The following ASPRV1 variants were observed in gnomAD, a reference collection of about 807,000 sequenced individuals.
ASPRV1 encodes the protein retroviral-like aspartic protease 1.
ASPRV1 carries 7 observed loss-of-function variants against 11.0 expected under a neutral mutation model. That is an observed-to-expected ratio of 0.64 (90% confidence interval 0.36 to 1.20). The LOEUF (loss-of-function observed/expected upper bound fraction) is 1.20, where lower values mean the gene tolerates loss of function less well. Among genes scored for constraint, ASPRV1 ranks in the 50% most tolerant of loss-of-function variants. The pLI, the probability that ASPRV1 is intolerant of heterozygous loss-of-function variation, is 0.02. For synonymous variants in ASPRV1, 136 were observed against 138.4 expected (o/e 0.98, Z 0.12); for missense variants, 299 against 320.0 (o/e 0.93, Z 0.50).
the ASPRV1 span, chr2:70,019,127 A>C: frequency 6.6e-6 from 1 of 152,222 alleles, no homozygotes; most frequent in Non-Finnish European, 1.5e-5. Flanking sequence ...ATTTCCCAAA[A>C]TACGACATAC....
chr2:70,085,790 TGTGGTAAACTATTAA>T, the ASPRV1 span: 8 of 152,248 alleles, frequency 5.3e-5, no homozygotes, highest in African/African-American at 1.7e-4. Flanking sequence ...AACACTTAAT[TGTGGTAAACTATTAA>T]TAAGATTCAC....
At chr2:70,018,589 G>A in the ASPRV1 span, among the ~76,000 whole-genome samples, 1 of 151,892 alleles carries the variant, frequency 6.6e-6, no homozygotes, top group African/African-American at 2.4e-5. Context: ...TAGACTAAAG[G>A]AACAAAATAA....
the ASPRV1 span, among the ~76,000 whole-genome samples, chr2:70,062,086 G>A: frequency 6.7e-6 from 1 of 149,518 alleles, no homozygotes; most frequent in Admixed American, 6.7e-5. Context: ...TCAGGAGTTC[G>A]AGACCAGCCT....
chr2:70,001,700 C>T, the ASPRV1 span, among the ~76,000 whole-genome samples: 2 of 152,074 alleles, frequency 1.3e-5, no homozygotes, highest in African/African-American at 4.8e-5. Context: ...ATGGAGGTTG[C>T]AGTGAGCCAA....
the ASPRV1 span, chr2:69,940,774 G>A: frequency 2.0e-4 from 30 of 152,612 alleles, no homozygotes; most frequent in Admixed American, 2.0e-3. Flanking sequence ...GCTTGAGGTA[G>A]ACCGAGTCAG....
At chr2:70,044,996 G>C in the ASPRV1 span, among the ~76,000 whole-genome samples, 1 of 152,130 alleles carries the variant, frequency 6.6e-6, no homozygotes, top group Non-Finnish European at 1.5e-5. Context: ...AAGAACAAAG[G>C]CTTTTTGAAA....
the ASPRV1 span, among the ~76,000 whole-genome samples, chr2:70,041,819 T>C: frequency 6.6e-6 from 1 of 152,194 alleles, no homozygotes; most frequent in African/African-American, 2.4e-5. Flanking sequence ...CCTGTTTCCA[T>C]TGGGAAGAAG....
chr2:69,948,083 C>CAAA, the ASPRV1 span, among the ~76,000 whole-genome samples: 24,720 of 137,646 alleles, frequency 0.18, 2,913 homozygotes, highest in East Asian at 0.42. Context: ...CCCCGTCTCT[C>CAAA]AAAAAAAAAA....
chr2:70,044,526 C>G, the ASPRV1 span, among the ~76,000 whole-genome samples: 2 of 152,130 alleles, frequency 1.3e-5, no homozygotes, highest in African/African-American at 4.8e-5. Flanking sequence ...ATGACACGAT[C>G]TCGGCTCACG....
At chr2:70,047,688 G>T in the ASPRV1 span, among the ~76,000 whole-genome samples, 2 of 152,356 alleles carry the variant, frequency 1.3e-5, no homozygotes, top group East Asian at 3.9e-4. Context: ...GGGGAGAGGG[G>T]AAGAGGGATT....
At chr2:70,045,832 A>G in the ASPRV1 span, 2 of 152,256 alleles carry the variant, frequency 1.3e-5, no homozygotes, top group East Asian at 3.8e-4. Context: ...CTGAGGTGAG[A>G]GAATCGCTTA....
the ASPRV1 span, among the ~76,000 whole-genome samples, chr2:69,954,741 G>C: frequency 2.6e-5 from 4 of 152,156 alleles, no homozygotes; most frequent in African/African-American, 7.2e-5. Context: ...CTAGGGAGCT[G>C]TCCCTGACTG....
At chr2:69,944,449 C>T in the ASPRV1 span, among the ~76,000 whole-genome samples, 27 of 152,232 alleles carry the variant, frequency 1.8e-4, no homozygotes, top group African/African-American at 4.8e-4. Context: ...GGGAGGGGAG[C>T]GCTAGCATTA....
the ASPRV1 span, among the ~76,000 whole-genome samples, chr2:70,028,209 C>G: frequency 6.6e-6 from 1 of 152,174 alleles, no homozygotes; most frequent in African/African-American, 2.4e-5. Flanking sequence ...GCACTCTTTT[C>G]CACCCCAATA....
At chr2:70,026,771 T>C in the ASPRV1 span, among the ~76,000 whole-genome samples, 1 of 152,132 alleles carries the variant, frequency 6.6e-6, no homozygotes, top group Non-Finnish European at 1.5e-5. Context: ...AATACCCATA[T>C]TACCCAAAGC....
At position 69,961,403 on chromosome 2, in the gene ASPRV1, G is replaced by T. The variant is rs755538169; in HGVS notation, c.34C>A (p.Arg12Ser). 1.9e-6 allele frequency: 3 copies of T among 1,614,046 alleles called. No individual in the cohort carries two copies. In the South Asian group the frequency reaches 3.3e-5, roughly 18 times the overall value. The change falls in exon 1 of 1, where the codon CGC (arginine) becomes AGC (serine). Residue 12 changes from arginine to serine, a missense_variant. Transcript: ENST00000320256. The part of the protein sequence containing the change: ...AGSGARSEEG[R>S]RQHAFVPEPF... ...TCCGGGACGAAGGCATGCTGCCGGC[G>T]GCCTTCCTCACTCCTGGCTCCGCTC...
At chr2:69,955,063 T>C in the ASPRV1 span, among the ~76,000 whole-genome samples, 5 of 152,332 alleles carry the variant, frequency 3.3e-5, no homozygotes, top group African/African-American at 1.2e-4. Context: ...ACAGCTTTTC[T>C]TGCTACCCAG....
At chr2:70,080,346 C>T in the ASPRV1 span, among the ~76,000 whole-genome samples, 3 of 152,118 alleles carry the variant, frequency 2.0e-5, no homozygotes, top group Admixed American at 2.0e-4. Flanking sequence ...CCTACCTCAG[C>T]CACCCAAGTA....
chr2:70,076,813 G>A, the ASPRV1 span, among the ~76,000 whole-genome samples: 1 of 152,156 alleles, frequency 6.6e-6, no homozygotes, highest in South Asian at 2.1e-4. Flanking sequence ...CGGCTGAGTG[G>A]GAGCTGCAGC....
Sources: allele counts gnomAD v4.1 joint callset (sites outside exome capture counted in the v4.1 genomes callset), GRCh38; gene constraint gnomAD v4.1.1; transcripts MANE v1.5; gene names NCBI Gene and HGNC (gene_info 2026-07-23, HGNC 2026-07-21).